The following DBF4B variants were observed in gnomAD, a reference collection of about 807,000 sequenced individuals.
DBF4B encodes the protein protein DBF4 homolog B.
A neutral mutation model predicts 53.4 loss-of-function variants in DBF4B; 49 were observed. The observed-to-expected ratio is 0.92, with a 90% CI of 0.73 to 1.16. DBF4B has a LOEUF of 1.16. Among genes scored for constraint, DBF4B ranks in the 50% most tolerant of loss-of-function variants. The probability of loss-of-function intolerance (pLI) is 0.00; values close to 1 mark genes in which losing one functional copy is unlikely to be tolerated. For missense variants in DBF4B, 692 were observed against 775.0 expected (o/e 0.89, Z 1.27); for synonymous variants, 257 against 288.7 (o/e 0.89, Z 1.11).
intron 6 of DBF4B, among the ~76,000 whole-genome samples, chr17:44,733,075 G>A (rs1248969187): frequency 6.6e-6 from 1 of 150,602 alleles, no homozygotes; most frequent in Admixed American, 6.7e-5. Flanking sequence ...TGAGGCAGGA[G>A]AATGGCGTGA....
chr17:44,740,081 T>C (rs564387873), intron 9 of DBF4B, among the ~76,000 whole-genome samples: 1 of 152,142 alleles, frequency 6.6e-6, no homozygotes, highest in Non-Finnish European at 1.5e-5. Context: ...TTTTTTTTTA[T>C]GTGCTGTTTT....
At position 44,751,993 on chromosome 17, in the gene DBF4B, C is replaced by A. The variant is rs910896960; in HGVS notation, c.*740C>A. The A allele has an allele frequency of 1.7e-5, 26 of 1,535,560 alleles. No individual in the cohort carries two copies. The Admixed American group carries it at 5.1e-4, about 30-fold the overall frequency. ...GCTCCGAGACACCTGAAGAGCCCTC[C>A]AGCCCTAACTACTTTACTCAGACTA... On this transcript the variant is annotated 3_prime_UTR_variant, in exon 14 of 14. Transcript: ENST00000315005.
intron 7 of DBF4B, among the ~76,000 whole-genome samples, chr17:44,735,215 A>G (rs1975262630): frequency 6.6e-6 from 1 of 152,212 alleles, no homozygotes; most frequent in African/African-American, 2.4e-5. Flanking sequence ...TCAAAATTCA[A>G]AAGGGTATAC....
At chr17:44,711,658 A>C (rs1352610438) in intron 2 of DBF4B, among the ~76,000 whole-genome samples, 3 of 152,028 alleles carry the variant, frequency 2.0e-5, no homozygotes, top group Admixed American at 1.3e-4. Context: ...CTAAAAATAC[A>C]AAAAACAGAG....
At chr17:44,711,575 G>A (rs1972868129) in intron 2 of DBF4B, among the ~76,000 whole-genome samples, 1 of 152,072 alleles carries the variant, frequency 6.6e-6, no homozygotes, top group Non-Finnish European at 1.5e-5. Flanking sequence ...ACTTTGGGAG[G>A]CCAAGGCAGG....
At chr17:44,716,398 G>A (rs1973340687) in intron 2 of DBF4B, among the ~76,000 whole-genome samples, 2 of 152,184 alleles carry the variant, frequency 1.3e-5, no homozygotes, top group South Asian at 2.1e-4. Context: ...CAGATCTGTA[G>A]GTCTTACTGT....
intron 8 of DBF4B, among the ~76,000 whole-genome samples, chr17:44,737,242 C>T (rs374452076): frequency 4.6e-5 from 7 of 152,152 alleles, no homozygotes; most frequent in East Asian, 1.9e-4. Flanking sequence ...TGCCAAACTC[C>T]GTGAAACTGA....
Position 44,747,374 on chromosome 17 carries a change from C to G in DBF4B, c.940-17C>G. On this transcript the variant is annotated splice_polypyrimidine_tract_variant and intron_variant, in intron 11 of 13. Coordinates refer to ENST00000315005, the MANE Select transcript of DBF4B (RefSeq NM_145663.3). ...AGGCCTCATCTAATGCCCTGTGCTC[C>G]TCTCCCCCGCCGGCAGCATCTTCAG... The G allele has an allele frequency of 6.2e-7, 1 of 1,613,374 alleles. No homozygotes were observed. The highest frequency in any genetic ancestry group is 8.5e-7 in the Non-Finnish European group (1 of 1,179,778).
chr17:44,737,629 A>G (rs937612984), intron 8 of DBF4B, among the ~76,000 whole-genome samples: 2 of 152,190 alleles, frequency 1.3e-5, no homozygotes, highest in African/African-American at 2.4e-5. Context: ...CCAGGATTTC[A>G]GCTGCCTTGG....
At chr17:44,750,268 A>C in intron 13 of DBF4B, 1 of 1,070,392 alleles carries the variant, frequency 9.3e-7, no homozygotes, top group Non-Finnish European at 1.1e-6. Flanking sequence ...TTTCATTACA[A>C]TTTGTACCGT....
intron 8 of DBF4B, 112 bp from the exon 9 acceptor site, chr17:44,738,267 C>A: frequency 1.7e-6 from 2 of 1,197,218 alleles, no homozygotes; most frequent in Non-Finnish European, 2.3e-6. Flanking sequence ...CCAGCTCTTG[C>A]AAGGCTCTTA....
intron 5 of DBF4B, 158 bp from the exon 6 acceptor site, chr17:44,732,020 G>A (rs1030198017): frequency 1.6e-6 from 1 of 629,400 alleles, no homozygotes; most frequent in Non-Finnish European, 2.8e-6. Flanking sequence ...TGGGGGTTGG[G>A]ATGGACTCTC....
At chr17:44,747,033 C>T (rs771932133) in intron 10 of DBF4B, 50 bp from the exon 11 acceptor site, 7 of 1,562,914 alleles carry the variant, frequency 4.5e-6, no homozygotes, top group Non-Finnish European at 6.2e-6. Flanking sequence ...GGCTCCTCCC[C>T]CCAAGGGCCC....
chr17:44,750,617 C>T lies in DBF4B; in HGVS notation c.1212C>T (p.Gly404=). The change falls in exon 14 of 14, where the codon GGC becomes GGT. Residue 404 remains glycine (G), a synonymous_variant. Coordinates refer to ENST00000315005, the MANE Select transcript of DBF4B (RefSeq NM_145663.3). ...CAGTGACCCAAGGCAGGGCTGCGGG[C>T]CAGCAGCGATGGACAGAATCACTAG... The part of the protein sequence containing the change: ...QASVTQGRAA[G]QQRWTESLDG... 1 of 1,612,404 alleles carries T rather than the reference C, an allele frequency of 6.2e-7. No individual in the cohort carries two copies. The highest frequency in any genetic ancestry group is 8.5e-7 in the Non-Finnish European group (1 of 1,179,096).
intron 6 of DBF4B, chr17:44,732,611 TA>T: frequency 4.8e-6 from 1 of 209,228 alleles, no homozygotes; most frequent in South Asian, 7.3e-5. Flanking sequence ...CTCACACCTG[TA>T]ATCCCAGCAC....
At chr17:44,725,851 T>C (rs1555676115) in intron 3 of DBF4B, among the ~76,000 whole-genome samples, 1 of 151,508 alleles carries the variant, frequency 6.6e-6, no homozygotes, top group Non-Finnish European at 1.5e-5. Context: ...CATGCCCTGC[T>C]CATTTTTGTA....
chr17:44,713,858 G>T (rs540673800), intron 2 of DBF4B, among the ~76,000 whole-genome samples: 1 of 152,214 alleles, frequency 6.6e-6, no homozygotes, highest in South Asian at 2.1e-4. Flanking sequence ...GCCTGGCTGT[G>T]TACTAGGCCT....
intron 2 of DBF4B, among the ~76,000 whole-genome samples, chr17:44,721,266 T>A: frequency 7.7e-6 from 1 of 129,474 alleles, no homozygotes; most frequent in Non-Finnish European, 1.6e-5. Context: ...TTACCCAGAC[T>A]GGAGTGCAGT....
intron 2 of DBF4B, among the ~76,000 whole-genome samples, chr17:44,717,664 G>A (rs1468806096): frequency 1.4e-5 from 2 of 147,512 alleles, no homozygotes; most frequent in Non-Finnish European, 3.0e-5. Flanking sequence ...AGCCGAGATC[G>A]TGCCACTGCA....
Sources: allele counts gnomAD v4.1 joint callset (sites outside exome capture counted in the v4.1 genomes callset), GRCh38; gene constraint gnomAD v4.1.1; transcripts MANE v1.5; gene names NCBI Gene and HGNC (gene_info 2026-07-23, HGNC 2026-07-21).